The following FAM161A variants were observed in gnomAD, a reference collection of about 807,000 sequenced individuals.
The protein encoded by FAM161A is FAM161 centrosomal protein A.
A neutral mutation model predicts 70.9 loss-of-function variants in FAM161A; 57 were observed. The ratio of observed to expected loss-of-function variants is 0.80; its 90% CI spans 0.65 to 1.00. The LOEUF is 1.00. Ranked by LOEUF, FAM161A falls within the 50% of genes least tolerant of loss-of-function variation. FAM161A has a pLI of 0.00. For synonymous variants in FAM161A, 299 were observed against 295.7 expected, an observed-to-expected ratio of 1.01 and a Z score of -0.12; for missense variants, 880 against 836.0, an observed-to-expected ratio of 1.05 and a Z score of -0.65.
intron 1 of FAM161A, among the ~76,000 whole-genome samples, chr2:61,851,203 C>T (rs563303623): frequency 6.6e-6 from 1 of 152,232 alleles, no homozygotes; most frequent in East Asian, 1.9e-4. Context: ...TGATTTCCCT[C>T]ACCAGACTGA....
chr2:61,801,323 C>T, the FAM161A span, among the ~76,000 whole-genome samples: 584 of 151,314 alleles, frequency 3.9e-3, 2 homozygotes, highest in African/African-American at 0.013. Flanking sequence ...TAGTGAAACC[C>T]GGTCTCTACT....
the FAM161A span, among the ~76,000 whole-genome samples, chr2:61,819,610 A>G: frequency 6.6e-6 from 1 of 151,988 alleles, no homozygotes; most frequent in Non-Finnish European, 1.5e-5. Flanking sequence ...GTTCTATATT[A>G]GTGAACATTT....
Position 61,842,330 on chromosome 2 carries a change from C to T in FAM161A, c.214G>A (p.Asp72Asn). The change falls in exon 2 of 7, where the codon GAT (aspartate) becomes AAT (asparagine). Residue 72 changes from aspartate (D) to asparagine (N), a missense_variant. Asp to Asn is a conservative substitution (Grantham distance 23). Transcript: ENST00000404929. The stretch of plus-strand genomic sequence containing the variant: ...TCATAGCTTATCGGTGCATGTTCAT[C>T]CACCCCAGAAAAGCTGGTGTTCAAA... ...ADLNTSFSGV[D>N]EHAPISYEDF... 6.3e-7 allele frequency: 1 copy of T among 1,576,214 alleles called. No individual in the cohort carries two copies. The highest frequency in any genetic ancestry group is 1.4e-5 in the African/African-American group (1 of 73,864).
At chr2:61,808,161 G>T in the FAM161A span, among the ~76,000 whole-genome samples, 1 of 152,214 alleles carries the variant, frequency 6.6e-6, no homozygotes, top group Non-Finnish European at 1.5e-5. Flanking sequence ...GCAGAGATAG[G>T]AAATTGCCTT....
downstream of FAM161A, among the ~76,000 whole-genome samples, chr2:61,820,799 G>T (rs112566815): frequency 6.6e-6 from 1 of 152,108 alleles, no homozygotes; most frequent in African/African-American, 2.4e-5. Flanking sequence ...ATTGTGAGTT[G>T]ATAATTCTTG....
chr2:61,818,063 C>CT, the FAM161A span, among the ~76,000 whole-genome samples: 1 of 140,216 alleles, frequency 7.1e-6, no homozygotes, highest in African/African-American at 2.7e-5. Context: ...ACATTCAGAT[C>CT]CTTTTTTTTT....
intron 2 of FAM161A, 94 bp from the exon 3 acceptor site, chr2:61,840,675 G>C: frequency 8.1e-6 from 8 of 983,614 alleles, no homozygotes; most frequent in Non-Finnish European, 1.2e-5. Context: ...TTCTGAGACA[G>C]AGTCTCACTC....
chr2:61,833,814 G>C (rs1025874859), intron 5 of FAM161A, among the ~76,000 whole-genome samples: 16 of 152,106 alleles, frequency 1.1e-4, no homozygotes, highest in Admixed American at 8.5e-4. Flanking sequence ...AGGATCACTT[G>C]AGGCCAGGAG....
intron 5 of FAM161A, among the ~76,000 whole-genome samples, chr2:61,834,081 A>G (rs1672682660): frequency 6.6e-6 from 1 of 152,210 alleles, no homozygotes; most frequent in Non-Finnish European, 1.5e-5. Context: ...GCTATTCACA[A>G]CAGCAAAGAC....
chr2:61,840,128 A>T lies in FAM161A; in HGVS notation c.876T>A (p.Phe292Leu). The change falls in exon 3 of 7, where the codon TTT becomes TTA. Residue 292 changes from phenylalanine (F) to leucine (L), a missense_variant. Phe to Leu is a conservative substitution (Grantham distance 22, BLOSUM62 0). Transcript: ENST00000404929. Reference protein sequence around the residue: ...FRANPVPASVFLPLYHDLVKQ... With the variant: ...FRANPVPASVLLPLYHDLVKQ... ...TGACTAAATCATGGTAAAGGGGGAG[A>T]AAGACAGATGCAGGAACTGGATTGG... 1 of 1,614,072 alleles carries T rather than the reference A, an allele frequency of 6.2e-7. No individual in the cohort carries two copies. Among genetic ancestry groups the T allele is most frequent in the South Asian group, 1.1e-5 (1 of 91,056 alleles).
intron 1 of FAM161A, among the ~76,000 whole-genome samples, chr2:61,852,538 T>C (rs1673532790): frequency 6.6e-6 from 1 of 152,128 alleles, no homozygotes; most frequent in African/African-American, 2.4e-5. Flanking sequence ...TAACACCACC[T>C]AGGAAGTGGC....
At position 61,838,640 on chromosome 2, in the gene FAM161A, T is replaced by C; in HGVS notation, c.1649A>G (p.Gln550Arg). ...ERNRILTKQK[Q>R]RMKELQKLLT... is the part of the protein sequence containing the mutation. ...GAGTTTCTGCAATTCTTTCATTCTTTGCTTCTGTTTAGTTAGGATCCGATT... is the reference window on the plus strand; with the variant it reads ...GAGTTTCTGCAATTCTTTCATTCTTCGCTTCTGTTTAGTTAGGATCCGATT... The change falls in exon 4 of 7, where the codon CAA (glutamine) becomes CGA (arginine). Residue 550 changes from glutamine (Q) to arginine (R), a missense_variant. Gln to Arg is a conservative substitution (Grantham distance 43, BLOSUM62 1). Coordinates refer to ENST00000404929, the MANE Select transcript of FAM161A (RefSeq NM_001201543.2). 1 of 1,612,188 alleles carries C rather than the reference T, an allele frequency of 6.2e-7. No individual in the cohort carries two copies. Among genetic ancestry groups the C allele is most frequent in the African/African-American group, 1.3e-5 (1 of 75,036 alleles).
chr2:61,836,206 TG>T (rs111508280), intron 4 of FAM161A, 97 bp from the exon 5 acceptor site: 137,173 of 912,422 alleles, frequency 0.15, 11,122 homozygotes, highest in Middle Eastern at 0.25. Flanking sequence ...ACAAAGTCAA[TG>T]AAAAAAAAGA....
At chr2:61,827,938 C>G (rs1672436610) in intron 5 of FAM161A, among the ~76,000 whole-genome samples, 1 of 152,138 alleles carries the variant, frequency 6.6e-6, no homozygotes, top group Non-Finnish European at 1.5e-5. Flanking sequence ...ATGGATAGAT[C>G]TCACAAATAT....
rs544600527 is a variant in FAM161A, at chr2:61,847,324, C to G, written c.184-4964G>C. Among the ~76,000 whole-genome samples the G allele has an allele frequency of 1.8e-4, 28 of 152,284 alleles. No homozygotes were observed. The South Asian group carries it at 4.4e-3, about 24-fold the overall frequency. ...CTTCTCAATAAGGTCTTCCCTGACT[C>G]TCCTATTTAAAATTACAACTTCTCC... On this transcript the variant is annotated intron_variant, in intron 1 of 6. Coordinates refer to ENST00000404929, the MANE Select transcript of FAM161A (RefSeq NM_001201543.2).
chr2:61,840,643 G>A, intron 2 of FAM161A, 62 bp from the exon 3 acceptor site: 1 of 1,301,320 alleles, frequency 7.7e-7, no homozygotes, highest in South Asian at 1.2e-5. Context: ...TAAAAATTAA[G>A]AGTTACATAT....
At chr2:61,834,034 T>C (rs1475629238) in intron 5 of FAM161A, among the ~76,000 whole-genome samples, 1 of 152,048 alleles carries the variant, frequency 6.6e-6, no homozygotes, top group African/African-American at 2.4e-5. Flanking sequence ...AAAAATATTT[T>C]TCTAAAAAAA....
chr2:61,812,854 G>C, the FAM161A span, among the ~76,000 whole-genome samples: 6 of 152,112 alleles, frequency 3.9e-5, no homozygotes, highest in African/African-American at 1.4e-4. Context: ...TGGATCACGA[G>C]GTCAGGAGAT....
chr2:61,803,943 AG>A, the FAM161A span, among the ~76,000 whole-genome samples: 1 of 152,250 alleles, frequency 6.6e-6, no homozygotes, highest in Non-Finnish European at 1.5e-5. Flanking sequence ...GAAAGAATTC[AG>A]GGCAAGTCTA....
Sources: allele counts gnomAD v4.1 joint callset (sites outside exome capture counted in the v4.1 genomes callset), GRCh38; gene constraint gnomAD v4.1.1; transcripts MANE v1.5; gene names NCBI Gene and HGNC (gene_info 2026-07-23, HGNC 2026-07-21).